The following SHTN1 variants were observed in gnomAD, a reference collection of about 807,000 sequenced individuals.
SHTN1 encodes the protein shootin 1, also known as shootin-1.
A neutral mutation model predicts 83.1 loss-of-function variants in SHTN1; 42 were observed. The observed-to-expected ratio is 0.51, with a 90% CI of 0.39 to 0.65. The LOEUF (loss-of-function observed/expected upper bound fraction) is 0.65, where lower values mean the gene tolerates loss of function less well. Among genes scored for constraint, SHTN1 ranks in the 30% least tolerant of loss-of-function variants. SHTN1 has a pLI of 0.00. For missense variants in SHTN1, 622 were observed against 737.8 expected, an observed-to-expected ratio of 0.84 and a Z score of 1.82; for synonymous variants, 224 against 247.7, an observed-to-expected ratio of 0.90 and a Z score of 0.90.
chr10:117,101,257 C>T (rs1853587947), intron 1 of SHTN1, among the ~76,000 whole-genome samples: 2 of 152,242 alleles, frequency 1.3e-5, no homozygotes, highest in Admixed American at 6.5e-5. Flanking sequence ...TTGGTCTTCT[C>T]CAAGCTTTGA....
chr10:117,101,035 C>G (rs575167805), intron 1 of SHTN1, among the ~76,000 whole-genome samples: 1 of 152,268 alleles, frequency 6.6e-6, no homozygotes, highest in East Asian at 1.9e-4. Flanking sequence ...GGTTGAGAAA[C>G]CCTTGAAGGA....
intron 1 of SHTN1, among the ~76,000 whole-genome samples, chr10:117,082,788 T>C (rs1027804821): frequency 2.0e-5 from 3 of 151,992 alleles, no homozygotes; most frequent in African/African-American, 7.2e-5. Context: ...TACCATTATG[T>C]AATGGCCTTC....
At chr10:116,888,154 C>T (rs769407119) in intron 16 of SHTN1, among the ~76,000 whole-genome samples, 3 of 152,196 alleles carry the variant, frequency 2.0e-5, no homozygotes, top group Admixed American at 6.5e-5. Context: ...TGGGGACAGG[C>T]TGTGCTGTAG....
rs537348148 is a variant in SHTN1 at position 117,104,518 on chromosome 10, C to T, written c.-189+21789G>A. ...AGGCGCGGTGGCTCACGCCTGTAAT[C>T]CCAGCACTTTGGGAGGCCGAGGCAG... On this transcript the variant is annotated intron_variant, in intron 1 of 17. Coordinates refer to the SHTN1 transcript ENST00000392901. Among the ~76,000 whole-genome samples the T allele has an allele frequency of 2.0e-5, 3 of 152,304 alleles. No individual in the cohort carries two copies. In the South Asian group the frequency reaches 6.2e-4, roughly 32 times the overall value.
intron 1 of SHTN1, among the ~76,000 whole-genome samples, chr10:116,991,230 A>AT (rs1313617244): frequency 6.6e-6 from 1 of 152,180 alleles, no homozygotes; most frequent in Admixed American, 6.5e-5. Flanking sequence ...AGTCTCATGC[A>AT]TGGTTGTAGT....
intron 4 of SHTN1, 128 bp from the exon 5 acceptor site, chr10:116,954,338 A>G (rs1281658253): frequency 1.7e-6 from 1 of 573,580 alleles, no homozygotes; most frequent in Non-Finnish European, 3.0e-6. Flanking sequence ...GGACATAACA[A>G]TTAGTGGATT....
chr10:116,984,785 T>C (rs1016005911), intron 1 of SHTN1, among the ~76,000 whole-genome samples: 2 of 152,180 alleles, frequency 1.3e-5, no homozygotes, highest in African/African-American at 2.4e-5. Flanking sequence ...AAGCTGGTTA[T>C]TTCATGTTTA....
chr10:116,942,603 G>T lies in SHTN1; in HGVS notation c.712-1991C>A, dbSNP rs2089296586. Among the ~76,000 whole-genome samples, 3 of 152,096 alleles carry T rather than the reference G, an allele frequency of 2.0e-5. No homozygotes were observed. In the South Asian group the frequency reaches 6.2e-4, roughly 32 times the overall value. On this transcript the variant is annotated intron_variant, in intron 8 of 16. Coordinates refer to ENST00000355371, the MANE Select transcript of SHTN1 (RefSeq NM_001127211.3). Reference sequence around the variant, plus strand: ...TCTTGTTGAGGGGGATTAAGTTTTTGGTTTTGTTTTTTAAATGAACTAGCG... The same window carrying T: ...TCTTGTTGAGGGGGATTAAGTTTTTTGTTTTGTTTTTTAAATGAACTAGCG...
At chr10:117,115,007 G>A (rs1024280069) in intron 1 of SHTN1, among the ~76,000 whole-genome samples, 1 of 152,196 alleles carries the variant, frequency 6.6e-6, no homozygotes, top group Non-Finnish European at 1.5e-5. Flanking sequence ...GCCCAAATTT[G>A]AAATGAAGAC....
At chr10:116,899,680 T>C (rs1050255363) in intron 16 of SHTN1, among the ~76,000 whole-genome samples, 3 of 152,182 alleles carry the variant, frequency 2.0e-5, no homozygotes, top group Non-Finnish European at 2.9e-5. Context: ...AACGGTGGTG[T>C]TGCCACAGAC....
At chr10:116,944,855 C>T (rs1849517144) in intron 8 of SHTN1, 69 bp downstream of exon 8, 1 of 967,322 alleles carries the variant, frequency 1.0e-6, no homozygotes, top group Non-Finnish European at 1.7e-6. Context: ...TGCGCCACTG[C>T]ACTCCAGCCT....
chr10:117,052,688 A>G (rs1385279035), intron 1 of SHTN1, among the ~76,000 whole-genome samples: 1 of 152,090 alleles, frequency 6.6e-6, no homozygotes, highest in Non-Finnish European at 1.5e-5. Flanking sequence ...AGAAAAGTCA[A>G]CAAGAGATGC....
intron 16 of SHTN1, among the ~76,000 whole-genome samples, chr10:116,897,585 T>A (rs1847567753): frequency 6.6e-6 from 1 of 152,218 alleles, no homozygotes; most frequent in Non-Finnish European, 1.5e-5. Context: ...TCCTTGATGA[T>A]CCATTATCCC....
At chr10:116,985,451 T>C (rs545629950) in intron 1 of SHTN1, among the ~76,000 whole-genome samples, 24 of 152,258 alleles carry the variant, frequency 1.6e-4, no homozygotes, top group Non-Finnish European at 2.9e-4. Flanking sequence ...GAAATAATCC[T>C]CTTGGTTAAA....
At chr10:117,069,301 G>A (rs1236573162) in intron 1 of SHTN1, among the ~76,000 whole-genome samples, 2 of 152,174 alleles carry the variant, frequency 1.3e-5, no homozygotes, top group East Asian at 3.9e-4. Context: ...CAATATAGTA[G>A]TGGGCACCAA....
chr10:117,086,768 T>C (rs113273422), intron 1 of SHTN1, among the ~76,000 whole-genome samples: 2,686 of 152,278 alleles, frequency 0.018, 43 homozygotes, highest in Middle Eastern at 0.031. Context: ...CCCGAAAGAA[T>C]TGAAAACAGG....
chr10:116,930,034 T>A, intron 9 of SHTN1, 32 bp from the exon 10 acceptor site: 5 of 1,423,722 alleles, frequency 3.5e-6, no homozygotes, highest in Non-Finnish European at 4.7e-6. Context: ...AAGACTTTTA[T>A]GGCTGACAGT....
At chr10:117,032,189 A>G (rs1252268787) in intron 2 of SHTN1, among the ~76,000 whole-genome samples, 1 of 152,286 alleles carries the variant, frequency 6.6e-6, no homozygotes, top group South Asian at 2.1e-4. Context: ...GGGTCAACTC[A>G]GCAAGAAGAT....
At chr10:117,011,619 A>C (rs1852104637) in intron 2 of SHTN1, among the ~76,000 whole-genome samples, 1 of 152,258 alleles carries the variant, frequency 6.6e-6, no homozygotes, top group African/African-American at 2.4e-5. Flanking sequence ...CAACATCATT[A>C]GTCATTAGAC....
Sources: gnomAD v4.1 joint callset for allele counts (sites outside exome capture counted in the v4.1 genomes callset) on GRCh38, gnomAD v4.1.1 for gene constraint, MANE v1.5 for transcripts, NCBI Gene and HGNC (gene_info 2026-07-23, HGNC 2026-07-21) for gene names.